CALN1: variants seen among roughly 807,000 people sequenced by gnomAD.
CALN1 encodes the protein calneuron 1, also known as calcium-binding protein 8.
CALN1 carries 17 observed loss-of-function variants against 30.6 expected under a neutral mutation model. That is an observed-to-expected ratio of 0.56 (90% CI 0.38 to 0.83). The LOEUF is 0.83. Among genes scored for constraint, CALN1 ranks in the 40% least tolerant of loss-of-function variants. The probability of loss-of-function intolerance (pLI) is 0.00; values close to 1 mark genes in which losing one functional copy is unlikely to be tolerated. For missense variants in CALN1, 291 were observed against 354.9 expected (o/e 0.82, Z 1.45); for synonymous variants, 156 against 131.4 (o/e 1.19, Z -1.28).
At chr7:72,382,631 T>C (rs116494303) in intron 2 of CALN1, among the ~76,000 whole-genome samples, 1,934 of 152,296 alleles carry the variant, frequency 0.013, 57 homozygotes, top group African/African-American at 0.044. Context: ...TCTCCTCTAG[T>C]AGTCCTCAGT....
intron 4 of CALN1, among the ~76,000 whole-genome samples, chr7:72,074,694 C>T (rs1290845689): frequency 1.3e-5 from 2 of 152,170 alleles, no homozygotes; most frequent in East Asian, 3.9e-4. Context: ...AGGCTTAAGC[C>T]ACTGCACCTG....
intron 4 of CALN1, among the ~76,000 whole-genome samples, chr7:72,081,642 A>C (rs1488190339): frequency 6.6e-6 from 1 of 151,470 alleles, no homozygotes; most frequent in Non-Finnish European, 1.5e-5. Context: ...GGCTGGTTTC[A>C]AATTCCTAGG....
At chr7:72,137,962 G>T (rs1236333345) in intron 3 of CALN1, among the ~76,000 whole-genome samples, 2 of 152,084 alleles carry the variant, frequency 1.3e-5, no homozygotes, top group Admixed American at 1.3e-4. Context: ...AGACATATAG[G>T]ATTTCTTTGT....
At chr7:71,830,467 C>T (rs973083139) in intron 5 of CALN1, among the ~76,000 whole-genome samples, 53 of 152,222 alleles carry the variant, frequency 3.5e-4, no homozygotes, top group African/African-American at 1.2e-3. Context: ...CCTGCCTCAG[C>T]CTCCTGAATG....
At chr7:72,234,363 G>C (rs945377638) in intron 3 of CALN1, among the ~76,000 whole-genome samples, 3 of 152,216 alleles carry the variant, frequency 2.0e-5, no homozygotes, top group African/African-American at 7.2e-5. Flanking sequence ...GAGGCCATTA[G>C]TTAGGGTGGC....
chr7:72,148,968 G>C (rs946734423), intron 3 of CALN1, among the ~76,000 whole-genome samples: 2 of 149,660 alleles, frequency 1.3e-5, no homozygotes, highest in African/African-American at 2.5e-5. Context: ...AAGGAAGGGA[G>C]GGAGGGAGGG....
chr7:72,498,535 T>A, the CALN1 span, among the ~76,000 whole-genome samples: 1 of 152,182 alleles, frequency 6.6e-6, no homozygotes, highest in African/African-American at 2.4e-5. Flanking sequence ...CTTTAAAGTA[T>A]AAAAAGAAAA....
At chr7:72,317,176 G>A (rs1800541810) in intron 2 of CALN1, among the ~76,000 whole-genome samples, 1 of 116,386 alleles carries the variant, frequency 8.6e-6, no homozygotes, top group South Asian at 3.9e-4. Flanking sequence ...AGGGAGGGAG[G>A]GAAGGAGGCA....
chr7:71,882,849 TTTGTGTGTGTG>T (rs1792658872), intron 5 of CALN1, among the ~76,000 whole-genome samples: 1 of 136,976 alleles, frequency 7.3e-6, no homozygotes, highest in South Asian at 2.5e-4. Flanking sequence ...GCCCATCTAA[TTTGTGTGTGTG>T]TGTGTGTGTG....
intron 3 of CALN1, among the ~76,000 whole-genome samples, chr7:72,126,521 A>C (rs528355712): frequency 2.0e-5 from 3 of 152,252 alleles, no homozygotes; most frequent in Admixed American, 1.3e-4. Context: ...ACCCAAAAGA[A>C]AAGTGGTGAT....
At chr7:72,026,606 G>C (rs1192723596) in intron 4 of CALN1, among the ~76,000 whole-genome samples, 1 of 151,886 alleles carries the variant, frequency 6.6e-6, no homozygotes, top group Non-Finnish European at 1.5e-5. Context: ...AATAGAGAGG[G>C]GGTCTTGCTA....
intron 4 of CALN1, among the ~76,000 whole-genome samples, chr7:72,076,506 G>C (rs1392883671): frequency 6.7e-6 from 1 of 148,678 alleles, no homozygotes. Flanking sequence ...GCTGAGGCAG[G>C]AGAATCGCTT....
chr7:71,882,133 A>AG (rs1242904739), intron 5 of CALN1, among the ~76,000 whole-genome samples: 3 of 152,106 alleles, frequency 2.0e-5, no homozygotes, highest in African/African-American at 7.2e-5. Flanking sequence ...TCCTTCTGGA[A>AG]GCTCTAAGGC....
At chr7:71,981,083 G>A (rs879625737) in intron 5 of CALN1, among the ~76,000 whole-genome samples, 5 of 152,112 alleles carry the variant, frequency 3.3e-5, no homozygotes, top group Admixed American at 6.5e-5. Context: ...TGTGGACACC[G>A]GGAATCATTC....
intron 1 of CALN1, among the ~76,000 whole-genome samples, chr7:72,427,035 C>T (rs539932150): frequency 2.6e-5 from 4 of 152,232 alleles, no homozygotes; most frequent in Admixed American, 1.3e-4. Flanking sequence ...CAGGCTAGAG[C>T]GCAGTTGTGT....
chr7:72,275,445 A>C (rs978832291), intron 3 of CALN1, among the ~76,000 whole-genome samples: 3 of 152,124 alleles, frequency 2.0e-5, no homozygotes, highest in Admixed American at 2.0e-4. Flanking sequence ...AAATCAGAAC[A>C]CATCCGCACT....
chr7:72,141,716 G>A (rs112143600), intron 3 of CALN1, among the ~76,000 whole-genome samples: 2,014 of 152,138 alleles, frequency 0.013, 24 homozygotes, highest in Middle Eastern at 0.024. Context: ...TTACAGGCAT[G>A]CATCACCATG....
chr7:72,402,683 G>C (rs1806422682), intron 2 of CALN1, among the ~76,000 whole-genome samples: 2 of 152,152 alleles, frequency 1.3e-5, no homozygotes, highest in Admixed American at 1.3e-4. Flanking sequence ...TGGTAGCATA[G>C]AAAACTCCTC....
intron 3 of CALN1, among the ~76,000 whole-genome samples, chr7:72,252,602 C>G (rs1795633469): frequency 9.0e-6 from 1 of 111,276 alleles, no homozygotes; most frequent in Non-Finnish European, 1.8e-5. Context: ...GAGCAAGACC[C>G]TGTCTCAAAA....
Sources: allele counts gnomAD v4.1 joint callset (sites outside exome capture counted in the v4.1 genomes callset), GRCh38; gene constraint gnomAD v4.1.1; transcripts MANE v1.5; gene names NCBI Gene and HGNC (gene_info 2026-07-23, HGNC 2026-07-21).